ITGBL1: variants seen among roughly 807,000 people sequenced by gnomAD.
The protein encoded by ITGBL1 is integrin beta-like protein 1.
In ITGBL1, 51 loss-of-function variants were observed where a neutral mutation model predicts 68.5. The ratio of observed to expected loss-of-function variants is 0.74; its 90% confidence interval spans 0.59 to 0.94. The LOEUF is 0.94. Among genes scored for constraint, ITGBL1 ranks in the 40% least tolerant of loss-of-function variants. ITGBL1 has a pLI of 0.00. For missense variants in ITGBL1, 649 were observed against 647.4 expected (o/e 1.00, Z -0.03); for synonymous variants, 209 against 227.3 (o/e 0.92, Z 0.72).
intron 7 of ITGBL1, among the ~76,000 whole-genome samples, chr13:101,604,167 C>T (rs1456176259): frequency 6.6e-6 from 1 of 151,752 alleles, no homozygotes; most frequent in African/African-American, 2.4e-5. Context: ...TAAGTATATA[C>T]TTATAGCAAT....
At chr13:101,669,992 C>T (rs1296602024) in intron 7 of ITGBL1, among the ~76,000 whole-genome samples, 2 of 152,116 alleles carry the variant, frequency 1.3e-5, no homozygotes, top group South Asian at 4.1e-4. Flanking sequence ...TTAGTCAGCT[C>T]CTACTGCCTT....
At chr13:101,680,846 G>A (rs1314566560) in intron 7 of ITGBL1, among the ~76,000 whole-genome samples, 1 of 152,092 alleles carries the variant, frequency 6.6e-6, no homozygotes, top group African/African-American at 2.4e-5. Context: ...TTAAAATCCA[G>A]ACCTATTAAA....
At chr13:101,454,182 G>T in intron 2 of ITGBL1, 82 bp downstream of exon 2, 3 of 1,024,350 alleles carry the variant, frequency 2.9e-6, no homozygotes, top group Non-Finnish European at 4.0e-6. Context: ...AAGAGTGAAG[G>T]GTGGGGACAC....
At chr13:101,631,083 A>C (rs952178747) in intron 7 of ITGBL1, among the ~76,000 whole-genome samples, 1 of 152,182 alleles carries the variant, frequency 6.6e-6, no homozygotes, top group Admixed American at 6.5e-5. Flanking sequence ...ACTCTGATAT[A>C]TCCTGCAGTA....
intron 2 of ITGBL1, among the ~76,000 whole-genome samples, chr13:101,562,265 GA>G (rs1375460133): frequency 6.6e-6 from 1 of 151,568 alleles, no homozygotes; most frequent in African/African-American, 2.4e-5. Flanking sequence ...ACAGAAAGCA[GA>G]AAAAAGAGGC....
At chr13:101,557,024 C>A (rs1478724330) in intron 2 of ITGBL1, among the ~76,000 whole-genome samples, 2 of 152,238 alleles carry the variant, frequency 1.3e-5, no homozygotes, top group Middle Eastern at 6.8e-3. Context: ...GTCATTGGAG[C>A]CTGCACTCCA....
In ITGBL1 at chr13:101,598,185, T is replaced by C; in HGVS notation, c.901T>C (p.Cys301Arg). 6.2e-7 allele frequency: 1 copy of C among 1,613,588 alleles called. No individual in the cohort carries two copies. The highest frequency in any genetic ancestry group is 2.2e-5 in the East Asian group (1 of 44,818). The change falls in exon 7 of 11, where the codon TGC becomes CGC. Residue 301 changes from cysteine to arginine, a missense_variant. By Grantham distance (180) the Cys-to-Arg change is radical. Transcript: ENST00000376180. ...HGQCNCGRCD[C>R]KAGWYGKKCE... The stretch of plus-strand genomic sequence containing the variant: ...ACAGTGTAATTGCGGAAGATGTGAC[T>C]GCAAAGCAGGCTGGTATGGGAAGAA...
chr13:101,482,028 G>A (rs1254510263), intron 2 of ITGBL1, among the ~76,000 whole-genome samples: 1 of 152,086 alleles, frequency 6.6e-6, no homozygotes. Flanking sequence ...ATGACAGTCT[G>A]AAGGTAGAAA....
intron 7 of ITGBL1, among the ~76,000 whole-genome samples, chr13:101,623,883 C>T (rs894869966): frequency 1.3e-5 from 2 of 152,146 alleles, no homozygotes; most frequent in Non-Finnish European, 2.9e-5. Flanking sequence ...TGTTTTTGGC[C>T]TTCTGGCCCT....
intron 7 of ITGBL1, among the ~76,000 whole-genome samples, chr13:101,633,190 G>C (rs1205546388): frequency 6.6e-6 from 1 of 152,146 alleles, no homozygotes; most frequent in Non-Finnish European, 1.5e-5. Context: ...TCACAGTTGG[G>C]ACCACCGTCT....
intron 7 of ITGBL1, among the ~76,000 whole-genome samples, chr13:101,624,396 T>C (rs1302315834): frequency 1.3e-5 from 2 of 152,178 alleles, no homozygotes; most frequent in African/African-American, 4.8e-5. Context: ...TTTTCCCTGC[T>C]CTGAGCCTTG....
intron 2 of ITGBL1, among the ~76,000 whole-genome samples, chr13:101,563,261 A>T (rs2139240431): frequency 6.6e-6 from 1 of 151,564 alleles, no homozygotes; most frequent in South Asian, 2.1e-4. Context: ...GACCTAATTA[A>T]ATCCAAAAAC....
intron 6 of ITGBL1, among the ~76,000 whole-genome samples, chr13:101,595,127 C>T (rs566030371): frequency 2.0e-4 from 31 of 152,172 alleles, no homozygotes; most frequent in African/African-American, 6.5e-4. Context: ...TCTATTTTGA[C>T]TCACATTTCT....
At chr13:101,572,019 C>T (rs1438140542) in intron 3 of ITGBL1, among the ~76,000 whole-genome samples, 2 of 152,092 alleles carry the variant, frequency 1.3e-5, no homozygotes, top group African/African-American at 2.4e-5. Context: ...AGGCAAATTA[C>T]CAGAAATGCA....
In ITGBL1 at chr13:101,677,591, A is replaced by AT. The variant is rs1215355641; in HGVS notation, c.1016-14994_1016-14993insT. On this transcript the variant is annotated intron_variant, in intron 7 of 10. Coordinates refer to ENST00000376180, the MANE Select transcript of ITGBL1 (RefSeq NM_004791.3). The stretch of plus-strand genomic sequence containing the variant: ...CTCAGACTCCAGAGCACAAACGACC[A>AT]ACCTTTATGAAATATGAACTTCCTG... Among the ~76,000 whole-genome samples the AT allele has an allele frequency of 1.2e-4, 18 of 152,314 alleles. No homozygotes were observed. In the East Asian group the frequency reaches 3.3e-3, roughly 28 times the overall value.
intron 7 of ITGBL1, among the ~76,000 whole-genome samples, chr13:101,644,910 A>G (rs1338230042): frequency 6.6e-6 from 1 of 152,212 alleles, no homozygotes. Flanking sequence ...AAATATTGTC[A>G]GTTTCAGATA....
chr13:101,607,175 T>A (rs910339899), intron 7 of ITGBL1, among the ~76,000 whole-genome samples: 2 of 152,018 alleles, frequency 1.3e-5, no homozygotes, highest in African/African-American at 4.8e-5. Context: ...AATACATTTT[T>A]AAAAATTTCC....
chr13:101,545,138 G>A (rs777377115), intron 2 of ITGBL1, among the ~76,000 whole-genome samples: 18 of 152,152 alleles, frequency 1.2e-4, no homozygotes, highest in Admixed American at 7.2e-4. Flanking sequence ...CATCTTCTGC[G>A]TCGCTCACAC....
chr13:101,573,090 C>T (rs1212943246), intron 3 of ITGBL1, among the ~76,000 whole-genome samples: 2 of 151,852 alleles, frequency 1.3e-5, no homozygotes, highest in East Asian at 3.9e-4. Context: ...GCACTTAGTT[C>T]CTTGCAAACA....
Sources: allele counts gnomAD v4.1 joint callset (sites outside exome capture counted in the v4.1 genomes callset), GRCh38; gene constraint gnomAD v4.1.1; transcripts MANE v1.5; gene names NCBI Gene and HGNC (gene_info 2026-07-23, HGNC 2026-07-21).